Variants in JAK1 observed in about 807,000 individuals in gnomAD.
The protein encoded by JAK1 is Janus kinase 1, also known as tyrosine-protein kinase JAK1.
JAK1 carries 16 observed loss-of-function variants against 136.6 expected under a neutral mutation model. That is an observed-to-expected ratio of 0.12 (90% confidence interval 0.08 to 0.18). The LOEUF (loss-of-function observed/expected upper bound fraction) is 0.18, where lower values mean the gene tolerates loss of function less well. Ranked by LOEUF, JAK1 falls within the 10% of genes least tolerant of loss-of-function variation. The pLI, the probability that JAK1 is intolerant of heterozygous loss-of-function variation, is 1.00. For synonymous variants in JAK1, 492 were observed against 519.5 expected, an observed-to-expected ratio of 0.95 and a Z score of 0.72; for missense variants, 859 against 1,450.1, an observed-to-expected ratio of 0.59 and a Z score of 6.62.
intron 2 of JAK1, among the ~76,000 whole-genome samples, chr1:65,029,399 C>T (rs1338396182): frequency 6.6e-6 from 1 of 152,142 alleles, no homozygotes. Flanking sequence ...CACACCCAGC[C>T]TATTTTTCCT....
chr1:64,883,484 G>A lies in JAK1; in HGVS notation c.7-9C>T. Reference sequence around the variant, plus strand: ...TCTTTTATATTTAGATACTGTTGTGGAAGGAAAACAAGACTATGTGGTCAC... The same window carrying A: ...TCTTTTATATTTAGATACTGTTGTGAAAGGAAAACAAGACTATGTGGTCAC... On this transcript the variant is annotated splice_polypyrimidine_tract_variant and intron_variant, in intron 2 of 24. Transcript: ENST00000342505. The A allele has an allele frequency of 6.2e-7, 1 of 1,611,032 alleles. No homozygotes were observed.
chr1:65,051,803 T>G (rs975196830), intron 1 of JAK1, among the ~76,000 whole-genome samples: 2 of 152,236 alleles, frequency 1.3e-5, no homozygotes, highest in African/African-American at 4.8e-5. Flanking sequence ...TAAAATACAG[T>G]AATAGTCTAA....
intron 1 of JAK1, among the ~76,000 whole-genome samples, chr1:64,958,810 C>T (rs1245410471): frequency 6.6e-6 from 1 of 152,184 alleles, no homozygotes; most frequent in Non-Finnish European, 1.5e-5. Context: ...TTGTGCTTAA[C>T]TGAATAAACT....
chr1:64,902,579 A>AGT (rs1456324925), intron 1 of JAK1, among the ~76,000 whole-genome samples: 782 of 23,826 alleles, frequency 0.033, 6 homozygotes, highest in African/African-American at 0.054. Flanking sequence ...AGAGAGAGAG[A>AGT]GAGAGTGTGT....
At chr1:65,013,095 CAA>C (rs34009555) in intron 2 of JAK1, among the ~76,000 whole-genome samples, 13 of 44,936 alleles carry the variant, frequency 2.9e-4, no homozygotes, top group Admixed American at 5.4e-4. Context: ...CACTCCGTCT[CAA>C]AAAAAAAAAA....
intron 22 of JAK1, among the ~76,000 whole-genome samples, chr1:64,837,568 C>T (rs1368599372): frequency 6.6e-6 from 1 of 152,226 alleles, no homozygotes; most frequent in Non-Finnish European, 1.5e-5. Context: ...CAGCCTCCCT[C>T]TGCAGGAATG....
intron 2 of JAK1, among the ~76,000 whole-genome samples, chr1:65,039,694 A>G (rs1647112226): frequency 6.6e-6 from 1 of 152,140 alleles, no homozygotes; most frequent in South Asian, 2.1e-4. Context: ...ACTGTCAATG[A>G]CTTTTGATCT....
At chr1:64,938,976 T>C (rs2100502756) in intron 1 of JAK1, among the ~76,000 whole-genome samples, 1 of 152,316 alleles carries the variant, frequency 6.6e-6, no homozygotes, top group South Asian at 2.1e-4. Flanking sequence ...CTAGCATTTT[T>C]TTCTTTTCTT....
At chr1:64,852,948 T>TGGACACA (rs1158908131) in intron 11 of JAK1, among the ~76,000 whole-genome samples, 5 of 152,174 alleles carry the variant, frequency 3.3e-5, no homozygotes, top group South Asian at 4.1e-4. Flanking sequence ...GTAGTGGAGC[T>TGGACACA]GGACACAGGA....
At chr1:64,868,812 A>AT (rs1161053498) in intron 6 of JAK1, among the ~76,000 whole-genome samples, 1 of 152,234 alleles carries the variant, frequency 6.6e-6, no homozygotes, top group Non-Finnish European at 1.5e-5. Context: ...CTCAAACGAT[A>AT]TTTTTAAGTA....
chr1:64,951,933 A>G (rs1332705383), intron 1 of JAK1, among the ~76,000 whole-genome samples: 2 of 152,184 alleles, frequency 1.3e-5, no homozygotes, highest in South Asian at 2.1e-4. Context: ...CTGGGATTAC[A>G]GGCGTGAGCC....
At chr1:64,964,970 C>G (rs1211986640) in intron 1 of JAK1, among the ~76,000 whole-genome samples, 1 of 152,152 alleles carries the variant, frequency 6.6e-6, no homozygotes. Flanking sequence ...TGGAAAACAT[C>G]AGAGTCACCA....
intron 2 of JAK1, among the ~76,000 whole-genome samples, chr1:65,005,503 A>G (rs1290054349): frequency 6.6e-6 from 1 of 152,216 alleles, no homozygotes; most frequent in Admixed American, 6.5e-5. Flanking sequence ...TACGGGTAAC[A>G]ATAATTTAAT....
At chr1:64,950,473 A>T (rs1450722414) in intron 1 of JAK1, among the ~76,000 whole-genome samples, 1 of 152,198 alleles carries the variant, frequency 6.6e-6, no homozygotes, top group Non-Finnish European at 1.5e-5. Context: ...TATTATTACA[A>T]TTTAAAAAAC....
At chr1:64,902,553 A>T (rs76735340) in intron 1 of JAK1, among the ~76,000 whole-genome samples, 4 of 17,154 alleles carry the variant, frequency 2.3e-4, no homozygotes, top group African/African-American at 3.9e-4. Flanking sequence ...TGAATTTGTG[A>T]GAGAGAGAGA....
chr1:65,008,808 C>T (rs79508350), intron 2 of JAK1, among the ~76,000 whole-genome samples: 5,912 of 152,152 alleles, frequency 0.039, 321 homozygotes, highest in East Asian at 0.28. Flanking sequence ...CCCAACTCAG[C>T]CTCTCAAGTA....
intron 2 of JAK1, among the ~76,000 whole-genome samples, chr1:64,995,261 T>G (rs1257240721): frequency 6.6e-6 from 1 of 152,094 alleles, no homozygotes; most frequent in Non-Finnish European, 1.5e-5. Context: ...GGCTCAAAAC[T>G]CCCATTAGCA....
chr1:64,998,828 C>T (rs563642159), intron 2 of JAK1, among the ~76,000 whole-genome samples: 3 of 152,294 alleles, frequency 2.0e-5, no homozygotes, highest in African/African-American at 7.2e-5. Context: ...ATTGTGAGGC[C>T]TCCCCAGCCA....
chr1:65,055,543 T>G (rs1156675811), intron 1 of JAK1, among the ~76,000 whole-genome samples: 1 of 152,210 alleles, frequency 6.6e-6, no homozygotes, highest in Non-Finnish European at 1.5e-5. Flanking sequence ...TATACGGTAT[T>G]CCTAGGTTTA....
Sources: gnomAD v4.1 joint callset for allele counts (sites outside exome capture counted in the v4.1 genomes callset) on GRCh38, gnomAD v4.1.1 for gene constraint, MANE v1.5 for transcripts, NCBI Gene and HGNC (gene_info 2026-07-23, HGNC 2026-07-21) for gene names.